CDH23: variants seen among roughly 807,000 people sequenced by gnomAD.
CDH23 encodes cadherin related 23, also known as cadherin-23.
Under a neutral mutation model 317.1 loss-of-function variants are expected in CDH23, and 189 were observed. That is an observed-to-expected ratio of 0.60 (90% CI 0.53 to 0.67). The LOEUF (loss-of-function observed/expected upper bound fraction) is 0.67, where lower values mean the gene tolerates loss of function less well. CDH23 is among the 30% of genes least tolerant of loss of function. CDH23 has a pLI of 0.00. For synonymous variants in CDH23, 1,839 were observed against 1,876.8 expected (o/e 0.98, Z 0.52); for missense variants, 4,401 against 4,592.4 (o/e 0.96, Z 1.20).
At chr10:71,689,790 G>T (rs936651374) in intron 19 of CDH23, among the ~76,000 whole-genome samples, 1 of 152,216 alleles carries the variant, frequency 6.6e-6, no homozygotes, top group Admixed American at 6.5e-5. Flanking sequence ...GCCCTGAGGG[G>T]TCCAGTCTGG....
chr10:71,478,729 G>T (rs1589120475), intron 3 of CDH23, among the ~76,000 whole-genome samples: 1 of 152,144 alleles, frequency 6.6e-6, no homozygotes, highest in Non-Finnish European at 1.5e-5. Flanking sequence ...TTGGCTAAGG[G>T]TCACCCCAAA....
At chr10:71,601,693 C>T (rs1190043741) in intron 9 of CDH23, among the ~76,000 whole-genome samples, 1 of 152,236 alleles carries the variant, frequency 6.6e-6, no homozygotes, top group African/African-American at 2.4e-5. Flanking sequence ...TCATCTGCTT[C>T]AGCCAGGGCA....
At chr10:71,489,542 C>A (rs1029548317) in intron 3 of CDH23, among the ~76,000 whole-genome samples, 5 of 151,130 alleles carry the variant, frequency 3.3e-5, no homozygotes, top group South Asian at 4.2e-4. Context: ...TATTTGAGGG[C>A]CTGATTATGC....
chr10:71,445,996 A>T (rs1018684404), intron 2 of CDH23, among the ~76,000 whole-genome samples: 3 of 152,168 alleles, frequency 2.0e-5, no homozygotes, highest in African/African-American at 7.2e-5. Flanking sequence ...TTTTACACTA[A>T]TTTTTTTCAT....
chr10:71,504,650 GCCAAGTGCACAGAAT>G (rs1853534285), intron 3 of CDH23, among the ~76,000 whole-genome samples: 1 of 152,182 alleles, frequency 6.6e-6, no homozygotes, highest in Non-Finnish European at 1.5e-5. Flanking sequence ...GGTAGGAGAG[GCCAAGTGCACAGAAT>G]CCTCTGCCGC....
chr10:71,545,708 A>G (rs1216153178), intron 6 of CDH23, among the ~76,000 whole-genome samples: 1 of 152,188 alleles, frequency 6.6e-6, no homozygotes, highest in Non-Finnish European at 1.5e-5. Flanking sequence ...ACCAACGCAT[A>G]CATCTATGTC....
At chr10:71,794,491 A>C (rs997405266) in intron 48 of CDH23, 2 of 152,242 alleles carry the variant, frequency 1.3e-5, no homozygotes, top group Non-Finnish European at 2.9e-5. Flanking sequence ...TGATGGTTTT[A>C]TCATTTTCCC....
intron 6 of CDH23, among the ~76,000 whole-genome samples, chr10:71,536,647 G>A (rs139211852): frequency 6.6e-6 from 1 of 152,114 alleles, no homozygotes; most frequent in Non-Finnish European, 1.5e-5. Context: ...TGAAGACAGT[G>A]GACAATGGAA....
chr10:71,485,027 T>C (rs934807056), intron 3 of CDH23, among the ~76,000 whole-genome samples: 15 of 147,270 alleles, frequency 1.0e-4, no homozygotes, highest in African/African-American at 3.3e-4. Context: ...TTTTTTCTTT[T>C]TTTTTTTTTT....
Position 71,566,765 on chromosome 10 carries a change from C to A in CDH23, c.453C>A (p.Ile151=), listed in dbSNP as rs756463059. 1 of 1,608,752 alleles carries A rather than the reference C, an allele frequency of 6.2e-7. No individual in the cohort carries two copies. Residue 151 remains isoleucine, a synonymous_variant, in exon 7 of 70, where the codon ATC becomes ATA. Coordinates refer to ENST00000224721, the MANE Select transcript of CDH23 (RefSeq NM_022124.6). The part of the protein sequence containing the change: ...IPENTPVGTP[I]FIVNATDPDL... The stretch of plus-strand genomic sequence containing the variant: ...AGAATACACCAGTGGGGACGCCCAT[C>A]TTCATCGTGAATGCCACAGACCCCG...
intron 30 of CDH23, among the ~76,000 whole-genome samples, chr10:71,726,884 T>A (rs985954539): frequency 1.3e-5 from 2 of 152,222 alleles, no homozygotes; most frequent in East Asian, 3.8e-4. Context: ...TGCCTCAGCA[T>A]TGTGGCTGCA....
chr10:71,812,729 G>C (rs1841983267), intron 67 of CDH23, 39 bp from the exon 68 acceptor site: 1 of 1,612,660 alleles, frequency 6.2e-7, no homozygotes, highest in Admixed American at 1.7e-5. Flanking sequence ...CATGTGTGTG[G>C]GGTCTGCCTC....
intron 1 of CDH23, among the ~76,000 whole-genome samples, chr10:71,421,255 A>G (rs1848801577): frequency 6.6e-6 from 1 of 151,860 alleles, no homozygotes; most frequent in South Asian, 2.1e-4. Flanking sequence ...GAGCGGTTCC[A>G]CTCCTGCTCC....
At chr10:71,601,933 A>G (rs1342503604) in intron 9 of CDH23, among the ~76,000 whole-genome samples, 1 of 135,464 alleles carries the variant, frequency 7.4e-6, no homozygotes, top group African/African-American at 2.7e-5. Flanking sequence ...CAGGCATTGG[A>G]GCAGGGCCTG....
chr10:71,802,972 T>C lies in CDH23; in HGVS notation c.7557T>C (p.Tyr2519=), dbSNP rs2132977459. The change falls in exon 54 of 70, where the codon TAT becomes TAC. Residue 2519 remains tyrosine, a synonymous_variant. Coordinates refer to ENST00000224721, the MANE Select transcript of CDH23 (RefSeq NM_022124.6). ...FSKPQFSTSV[Y]ENEPAGTSVI... is the part of the protein sequence containing the mutation. ...AGCCCCAGTTCAGCACAAGCGTGTA[T>C]GAGAATGAGCCGGCGGGCACCTCGG... 6.2e-7 allele frequency: 1 copy of C among 1,614,000 alleles called. No individual in the cohort carries two copies. The highest frequency in any genetic ancestry group is 8.5e-7 in the Non-Finnish European group (1 of 1,179,896).
chr10:71,752,621 A>G (rs1237530426), intron 38 of CDH23, among the ~76,000 whole-genome samples: 1 of 152,156 alleles, frequency 6.6e-6, no homozygotes. Context: ...CTCTGCGGGC[A>G]GGAGGCACAG....
chr10:71,587,219 AT>A (rs940970683), intron 9 of CDH23, among the ~76,000 whole-genome samples: 1 of 151,910 alleles, frequency 6.6e-6, no homozygotes. Context: ...TAAAACTCAC[AT>A]TTTTTTTCCT....
intron 6 of CDH23, among the ~76,000 whole-genome samples, chr10:71,547,585 G>A (rs923371226): frequency 5.9e-5 from 9 of 152,216 alleles, no homozygotes; most frequent in African/African-American, 4.8e-5. Context: ...ATAGCGCCAC[G>A]GGGGAGTCCA....
At chr10:71,403,912 A>G (rs1377321030) in intron 1 of CDH23, among the ~76,000 whole-genome samples, 1 of 151,208 alleles carries the variant, frequency 6.6e-6, no homozygotes, top group Non-Finnish European at 1.5e-5. Flanking sequence ...CAACATGGTG[A>G]AACCCCGTCT....
Sources: allele counts gnomAD v4.1 joint callset (sites outside exome capture counted in the v4.1 genomes callset), GRCh38; gene constraint gnomAD v4.1.1; transcripts MANE v1.5; gene names NCBI Gene and HGNC (gene_info 2026-07-23, HGNC 2026-07-21).